Variants in GIT1 observed in about 807,000 individuals in gnomAD.
The protein encoded by GIT1 is GIT ArfGAP 1.
Under a neutral mutation model 91.7 loss-of-function variants are expected in GIT1, and 14 were observed. The observed-to-expected ratio is 0.15, with a 90% CI of 0.10 to 0.24. The LOEUF (loss-of-function observed/expected upper bound fraction) is 0.24. GIT1 is among the 10% of genes least tolerant of loss of function. GIT1 has a pLI of 1.00. For synonymous variants in GIT1, 414 were observed against 418.2 expected, an observed-to-expected ratio of 0.99 and a Z score of 0.12; for missense variants, 717 against 1,024.9, an observed-to-expected ratio of 0.70 and a Z score of 4.10.
chr17:29,582,595 C>T, intron 4 of GIT1, 103 bp downstream of exon 4: 1 of 806,766 alleles, frequency 1.2e-6, no homozygotes, highest in Admixed American at 2.1e-5. Context: ...ACCTGGCTGC[C>T]TTTGGGGCCC....
chr17:29,576,313 GGCCTGGCGATCCCTGCGGTGTGTGCTCCC>G lies in GIT1; in HGVS notation c.1489_1517del (p.Gly497LeufsTer5). On this transcript the variant is annotated frameshift_variant, in exon 14 of 20. Transcript: ENST00000225394. LOFTEE classifies it high-confidence loss of function. ...CAGAGCCAGGTTCATACATGGAAAA[GGCCTGGCGATCCCTGCGGTGTGTGCTCCC>G]GCCTGGCGCCATGGGTGTGTGTTCC... 2 of 1,613,086 alleles carry G rather than the reference GGCCTGGCGATCCCTGCGGTGTGTGCTCCC, an allele frequency of 1.2e-6. No individual in the cohort carries two copies. Among genetic ancestry groups the G allele is most frequent in the Non-Finnish European group, 1.7e-6 (2 of 1,179,922 alleles).
rs749601989 is a variant in GIT1 at position 29,575,735 on chromosome 17, C to T, written c.1753-32G>A. Reference sequence around the variant, plus strand: ...GGCGGAGGGAAGGGGCTGTGAGCGCCGTGTTCCTGGACCCACACTGCCCCT... The same window carrying T: ...GGCGGAGGGAAGGGGCTGTGAGCGCTGTGTTCCTGGACCCACACTGCCCCT... On this transcript the variant is annotated intron_variant, in intron 16 of 19. Coordinates refer to ENST00000225394, the MANE Select transcript of GIT1 (RefSeq NM_014030.4). This position sits in a 1 kb window ranked among gnomAD's most constrained non-coding sequence, Gnocchi z 5.5. 14 of 1,611,340 alleles carry T rather than the reference C, an allele frequency of 8.7e-6. No homozygotes were observed. Among genetic ancestry groups the T allele is most frequent in the East Asian group, 4.5e-5 (2 of 44,866 alleles).
At chr17:29,585,014 G>A (rs1156355603) in intron 1 of GIT1, among the ~76,000 whole-genome samples, 5 of 147,282 alleles carry the variant, frequency 3.4e-5, no homozygotes, top group African/African-American at 1.3e-4. Context: ...CCAGGCTGGA[G>A]TGCAGCGGGT....
intron 1 of GIT1, among the ~76,000 whole-genome samples, chr17:29,586,500 G>T (rs1371858673): frequency 1.3e-5 from 2 of 152,124 alleles, no homozygotes; most frequent in African/African-American, 4.8e-5. Context: ...AGCCCATCAG[G>T]ATGAACACTC....
intron 7 of GIT1, among the ~76,000 whole-genome samples, chr17:29,579,654 T>G (rs1165224209): frequency 1.3e-5 from 2 of 151,970 alleles, no homozygotes; most frequent in South Asian, 4.1e-4. Context: ...GGAGGATCGT[T>G]TGAGGCTGTG....
At chr17:29,582,842 G>A in intron 3 of GIT1, 39 bp from the exon 4 acceptor site, 1 of 1,575,330 alleles carries the variant, frequency 6.3e-7, no homozygotes. Flanking sequence ...AGCATGGTGG[G>A]AGAGGGTGGT....
At chr17:29,586,403 A>G (rs936886721) in intron 1 of GIT1, among the ~76,000 whole-genome samples, 10 of 152,082 alleles carry the variant, frequency 6.6e-5, no homozygotes, top group African/African-American at 2.2e-4. Flanking sequence ...TCTTCTTCCA[A>G]TGTGGCCCAG....
rs775458725 is a variant in GIT1 at position 29,576,887 on chromosome 17, G to A, written c.1203C>T (p.Gly401=). The change falls in exon 12 of 20, where the codon GGC becomes GGT. Residue 401 remains glycine, a synonymous_variant. Transcript: ENST00000225394. ...DTDQEPLRST[G]ATRSNRARSM... ...CCCGGGCCCGGTTGCTCCGAGTGGCGCCGGTGCTGCGCAGGGGCTCCTGGT... is the reference window on the plus strand; with the variant it reads ...CCCGGGCCCGGTTGCTCCGAGTGGCACCGGTGCTGCGCAGGGGCTCCTGGT... 14 of 1,574,986 alleles carry A rather than the reference G, an allele frequency of 8.9e-6. No individual in the cohort carries two copies. Among genetic ancestry groups the A allele is most frequent in the South Asian group, 4.6e-5 (4 of 87,476 alleles).
intron 1 of GIT1, chr17:29,583,863 C>T (rs148492828): frequency 1.6e-5 from 8 of 503,418 alleles, no homozygotes; most frequent in African/African-American, 3.8e-5. Context: ...ATGCAGTCCC[C>T]AGGGCCCATT....
rs766175849 is a variant in GIT1 at position 29,576,587 on chromosome 17, T to C, written c.1315A>G (p.Lys439Glu). ...LKKALATSEA[K>E]VQQLMKVNSS... is the part of the protein sequence containing the mutation. ...TTGACCTTCATGAGCTGCTGCACCT[T>C]TGCCTCCGATGTAGCCAGGGCCTTC... The change falls in exon 13 of 20, where the codon AAG (lysine) becomes GAG (glutamate). Residue 439 changes from lysine to glutamate, a missense_variant. Lys to Glu is a moderately conservative substitution (Grantham distance 56). This residue lies in a region of GIT1 where 312 missense variants were observed against 349.5 expected (regional missense o/e 0.89). Coordinates refer to ENST00000225394, the MANE Select transcript of GIT1 (RefSeq NM_014030.4). The C allele has an allele frequency of 5.0e-6, 8 of 1,614,082 alleles. No individual in the cohort carries two copies. The highest frequency in any genetic ancestry group is 6.8e-6 in the Non-Finnish European group (8 of 1,179,998).
At position 29,574,139 on chromosome 17, in the gene GIT1, AAC is replaced by A. The variant is rs1491165921; in HGVS notation, c.*561_*562del. 3.9e-5 allele frequency: 6 copies of A among 152,538 alleles called. No individual in the cohort carries two copies. Among genetic ancestry groups the A allele is most frequent in the East Asian group, 1.9e-4 (1 of 5,154 alleles). The allele number at this position is 152,538 out of a possible 1,614,324, so 9.4% of individuals were successfully genotyped here. A position where few individuals can be genotyped will look rare whatever the true frequency, so the allele number is the denominator to read the frequency against. ...TGGGGAAGAAGAAAGAAAAAAAAAAAACAGACTTTCCAGTGTTTGCTGCTGGG... is the reference window on the plus strand; with the variant it reads ...TGGGGAAGAAGAAAGAAAAAAAAAAAAGACTTTCCAGTGTTTGCTGCTGGG... On this transcript the variant is annotated 3_prime_UTR_variant, in exon 20 of 20. Transcript: ENST00000225394.
Position 29,584,536 on chromosome 17 carries a change from T to G in GIT1, c.53-920A>C, listed in dbSNP as rs2033516865. Among the ~76,000 whole-genome samples the G allele has an allele frequency of 2.6e-5, 4 of 152,180 alleles. No individual in the cohort carries two copies. In the South Asian group the frequency reaches 8.3e-4, roughly 31 times the overall value. On this transcript the variant is annotated intron_variant, in intron 1 of 19. Coordinates refer to ENST00000225394, the MANE Select transcript of GIT1 (RefSeq NM_014030.4). The stretch of plus-strand genomic sequence containing the variant: ...CATCCTAGGCCCCTTGGGAGACAGC[T>G]GCATACGACTCAGGCTGCGGAAAGG...
Position 29,575,849 on chromosome 17 carries a change from G to A in GIT1, c.1715C>T (p.Pro572Leu), listed in dbSNP as rs763846891. 16 of 1,612,270 alleles carry A rather than the reference G, an allele frequency of 9.9e-6. No individual in the cohort carries two copies. The highest frequency in any genetic ancestry group is 1.7e-5 in the Admixed American group (1 of 59,754). The change falls in exon 16 of 20, where the codon CCG becomes CTG. Residue 572 changes from proline to leucine, a missense_variant. By Grantham distance (98) the Pro-to-Leu change is moderately conservative (BLOSUM62 -3). Around this residue, in one of 3 missense-constraint regions of GIT1, gnomAD observed 312 missense variants for 349.5 expected, o/e 0.89. Coordinates refer to ENST00000225394, the MANE Select transcript of GIT1 (RefSeq NM_014030.4). The surrounding 1 kb of genome is among the most constrained non-coding windows in gnomAD (Gnocchi z 5.5). Reference sequence around the variant, plus strand: ...TCCCTCCTGGGAGCAGGACAGCAGCGGGGAGGAGGGAGTGAAGGGCACAGC... The same window carrying A: ...TCCCTCCTGGGAGCAGGACAGCAGCAGGGAGGAGGGAGTGAAGGGCACAGC... The part of the protein sequence containing the change: ...ASAVPFTPSS[P>L]LLSCSQEGSR...
chr17:29,576,846 G>C lies in GIT1; in HGVS notation c.1227+17C>G. The C allele has an allele frequency of 1.3e-6, 2 of 1,577,722 alleles. No individual in the cohort carries two copies. Among genetic ancestry groups the C allele is most frequent in the Non-Finnish European group, 8.6e-7 (1 of 1,163,318 alleles). On this transcript the variant is annotated intron_variant, in intron 12 of 19. Transcript: ENST00000225394. ...GGTCAGGGCACAGGGGAGTGGGAAG[G>C]AGGGTGGGACTCAGACCCGGGCCCG...
chr17:29,573,900 G>C lies in GIT1; in HGVS notation c.*802C>G, dbSNP rs2033080387. On this transcript the variant is annotated 3_prime_UTR_variant, in exon 20 of 20. Transcript: ENST00000225394. The stretch of plus-strand genomic sequence containing the variant: ...AAGGGGCGAGAGTGGGGAGGGATCA[G>C]GGAGGCAGCTGGCAGGACCAAAACT... 6.6e-6 allele frequency: 1 copy of C among 152,662 alleles called. No individual in the cohort carries two copies. The highest frequency in any genetic ancestry group is 2.4e-5 in the African/African-American group (1 of 41,426). 9.5% of individuals were successfully genotyped at this position (152,662 alleles called of 1,614,324 possible). A position where few individuals can be genotyped will look rare whatever the true frequency, so the allele number is the denominator to read the frequency against.
chr17:29,582,059 G>T lies in GIT1; in HGVS notation c.491C>A (p.Pro164Gln). The T allele has an allele frequency of 1.2e-6, 2 of 1,610,504 alleles. No homozygotes were observed. Among genetic ancestry groups the T allele is most frequent in the Non-Finnish European group, 1.7e-6 (2 of 1,179,960 alleles). The change falls in exon 5 of 20, where the codon CCA becomes CAA. Residue 164 changes from proline to glutamine, a missense_variant. This residue lies in a region of GIT1 where 271 missense variants were observed against 451.6 expected (regional missense o/e 0.60). Transcript: ENST00000225394. ...GTGCAGAGGTGTGGTGCCCTTCTCTGGGTGGAAGAAGTTGGCCTGGGCACC... is the reference window on the plus strand; with the variant it reads ...GTGCAGAGGTGTGGTGCCCTTCTCTTGGTGGAAGAAGTTGGCCTGGGCACC... Reference protein sequence around the residue: ...SLGAQANFFHPEKGTTPLHVA... With the variant: ...SLGAQANFFHQEKGTTPLHVA...
chr17:29,579,145 C>T (rs923931153), intron 7 of GIT1: 9 of 658,742 alleles, frequency 1.4e-5, no homozygotes, highest in Admixed American at 1.2e-4. Context: ...CCGCGTCCCC[C>T]ACCCCTCCTC....
intron 9 of GIT1, 84 bp downstream of exon 9, chr17:29,578,215 C>T (rs2033279594): frequency 8.8e-7 from 1 of 1,134,138 alleles, no homozygotes; most frequent in African/African-American, 1.5e-5. Context: ...CCCAGGCACC[C>T]CTTCTTAGCC....
chr17:29,578,433 TC>T, intron 8 of GIT1, 62 bp from the exon 9 acceptor site: 1 of 1,465,896 alleles, frequency 6.8e-7, no homozygotes, highest in Non-Finnish European at 9.6e-7. Context: ...CAAGGCCAGC[TC>T]CCCAGCATGT....
Sources: allele counts gnomAD v4.1 joint callset (sites outside exome capture counted in the v4.1 genomes callset), GRCh38; gene constraint gnomAD v4.1.1; regional missense constraint gnomAD v4.1.1; non-coding constraint Gnocchi (gnomAD v3.1); transcripts MANE v1.5; gene names NCBI Gene and HGNC (gene_info 2026-07-23, HGNC 2026-07-21).